The following CCSER1 variants were observed in gnomAD, a reference collection of about 807,000 sequenced individuals.
The protein encoded by CCSER1 is serine-rich coiled-coil domain-containing protein 1.
CCSER1 carries 41 observed loss-of-function variants against 82.0 expected under a neutral mutation model. The ratio of observed to expected loss-of-function variants is 0.50; its 90% CI spans 0.39 to 0.65. CCSER1 has a LOEUF of 0.65. Among genes scored for constraint, CCSER1 ranks in the 30% least tolerant of loss-of-function variants. The probability of loss-of-function intolerance (pLI) is 0.00; values close to 1 mark genes in which losing one functional copy is unlikely to be tolerated. For synonymous variants in CCSER1, 414 were observed against 383.9 expected, an observed-to-expected ratio of 1.08 and a Z score of -0.92; for missense variants, 1,119 against 1,064.2, an observed-to-expected ratio of 1.05 and a Z score of -0.72.
intron 9 of CCSER1, among the ~76,000 whole-genome samples, chr4:90,943,140 G>A (rs1731792828): frequency 6.6e-6 from 1 of 151,798 alleles, no homozygotes; most frequent in Admixed American, 6.6e-5. Context: ...TAATGAGGCT[G>A]GCAAGATTTC....
At chr4:91,354,483 A>G (rs1748690963) in intron 10 of CCSER1, among the ~76,000 whole-genome samples, 1 of 152,224 alleles carries the variant, frequency 6.6e-6, no homozygotes, top group Admixed American at 6.5e-5. Context: ...GTGGGCCCAA[A>G]TAGTCTGCAA....
chr4:91,379,198 T>C (rs546204087), intron 10 of CCSER1, among the ~76,000 whole-genome samples: 2 of 152,302 alleles, frequency 1.3e-5, no homozygotes, highest in South Asian at 4.1e-4. Flanking sequence ...TCAGGGATAT[T>C]GGTCTAAAAT....
At chr4:91,068,115 T>C (rs1721031920) in intron 9 of CCSER1, among the ~76,000 whole-genome samples, 1 of 152,186 alleles carries the variant, frequency 6.6e-6, no homozygotes, top group Non-Finnish European at 1.5e-5. Context: ...TGAAAGATGT[T>C]ATTACCAGAT....
chr4:90,386,753 G>A (rs1450608484), intron 3 of CCSER1, among the ~76,000 whole-genome samples: 2 of 152,112 alleles, frequency 1.3e-5, no homozygotes, highest in Non-Finnish European at 2.9e-5. Flanking sequence ...TAGATGAATT[G>A]CACCTGCTGT....
intron 10 of CCSER1, among the ~76,000 whole-genome samples, chr4:91,297,365 TTGTGTGTGTGTGTGTGTGTATGTGTG>T (rs751793110): frequency 2.9e-4 from 38 of 128,914 alleles, no homozygotes; most frequent in South Asian, 5.0e-4. Flanking sequence ...GAATGGATGC[TTGTGTGTGTGTGTGTGTGTATGTGTG>T]TGTGTGTGTG....
intron 10 of CCSER1, among the ~76,000 whole-genome samples, chr4:91,429,409 T>A (rs1754167464): frequency 6.6e-6 from 1 of 152,010 alleles, no homozygotes; most frequent in African/African-American, 2.4e-5. Flanking sequence ...TTATTTGTTT[T>A]TAAAAGTACA....
intron 7 of CCSER1, among the ~76,000 whole-genome samples, chr4:90,780,144 C>T (rs1753550830): frequency 6.6e-6 from 1 of 152,092 alleles, no homozygotes; most frequent in Non-Finnish European, 1.5e-5. Flanking sequence ...CAGGACTTGA[C>T]CCTCCCTGAG....
intron 1 of CCSER1, among the ~76,000 whole-genome samples, chr4:90,208,754 G>A (rs1479918038): frequency 6.6e-6 from 1 of 152,142 alleles, no homozygotes; most frequent in African/African-American, 2.4e-5. Flanking sequence ...TTGGCTAGGG[G>A]AGGGAGTTCC....
chr4:91,598,868 G>T lies in CCSER1; in HGVS notation c.2514G>T (p.Gly838=). Residue 838 remains glycine (G), a synonymous_variant, in exon 11 of 11, where the codon GGG becomes GGT. Coordinates refer to ENST00000509176, the MANE Select transcript of CCSER1 (RefSeq NM_001145065.2). ...SSLKPTAKTE[G]LSTFLEKPKD... is the part of the protein sequence containing the mutation. Reference sequence around the variant, plus strand: ...TGAAGCCAACAGCTAAGACAGAAGGGCTCTCCACGTTCTTAGAGAAACCAA... The same window carrying T: ...TGAAGCCAACAGCTAAGACAGAAGGTCTCTCCACGTTCTTAGAGAAACCAA... 1 of 1,551,596 alleles carries T rather than the reference G, an allele frequency of 6.4e-7. No individual in the cohort carries two copies. Among genetic ancestry groups the T allele is most frequent in the Non-Finnish European group, 8.7e-7 (1 of 1,146,920 alleles).
intron 8 of CCSER1, among the ~76,000 whole-genome samples, chr4:90,875,812 C>T (rs1767132766): frequency 6.6e-6 from 1 of 152,172 alleles, no homozygotes. Flanking sequence ...GAAGCCTAGT[C>T]ATTTGCAGAT....
chr4:90,240,599 T>C (rs1746649385), intron 1 of CCSER1, among the ~76,000 whole-genome samples: 1 of 152,190 alleles, frequency 6.6e-6, no homozygotes, highest in Non-Finnish European at 1.5e-5. Flanking sequence ...AAAAGAATTC[T>C]ATCTATGATC....
chr4:90,949,404 A>G (rs1464875231), intron 9 of CCSER1, among the ~76,000 whole-genome samples: 1 of 152,112 alleles, frequency 6.6e-6, no homozygotes, highest in African/African-American at 2.4e-5. Flanking sequence ...GACTGGTAAA[A>G]CATATTAAAC....
At chr4:90,928,261 T>C (rs994493979) in intron 9 of CCSER1, among the ~76,000 whole-genome samples, 5 of 148,344 alleles carry the variant, frequency 3.4e-5, no homozygotes, top group Non-Finnish European at 7.4e-5. Context: ...ATAAGAACAT[T>C]GTTTAAAAAC....
chr4:90,750,911 G>A (rs1748525337), intron 7 of CCSER1, among the ~76,000 whole-genome samples: 1 of 151,962 alleles, frequency 6.6e-6, no homozygotes, highest in South Asian at 2.1e-4. Flanking sequence ...AAATAAATTG[G>A]AATTATCTTT....
At chr4:90,260,841 G>A (rs35253489) in intron 1 of CCSER1, among the ~76,000 whole-genome samples, 28,587 of 152,092 alleles carry the variant, frequency 0.19, 3,071 homozygotes, top group South Asian at 0.27. Flanking sequence ...TCAGCCTCCC[G>A]AGTAGCTAGG....
chr4:90,458,255 C>T lies in CCSER1; in HGVS notation c.1604-9979C>T, dbSNP rs536671171. ...CTCCTTCCACCTGCTCCATGGAGTG[C>T]ACCGCCCCAGCTACACCTCCCACAC... On this transcript the variant is annotated intron_variant, in intron 4 of 10. Coordinates refer to ENST00000509176, the MANE Select transcript of CCSER1 (RefSeq NM_001145065.2). Among the ~76,000 whole-genome samples the T allele has an allele frequency of 7.2e-5, 11 of 152,286 alleles. No individual in the cohort carries two copies. In the South Asian group the frequency reaches 2.1e-3, roughly 29 times the overall value.
intron 5 of CCSER1, among the ~76,000 whole-genome samples, chr4:90,612,685 C>A (rs747015391): frequency 9.2e-5 from 14 of 152,116 alleles, no homozygotes; most frequent in African/African-American, 3.1e-4. Context: ...GAATATATGG[C>A]TCCCTATATA....
chr4:91,148,924 G>T (rs1399927797), intron 10 of CCSER1, among the ~76,000 whole-genome samples: 2 of 152,100 alleles, frequency 1.3e-5, no homozygotes, highest in African/African-American at 2.4e-5. Flanking sequence ...TTGCTATTGT[G>T]AATAGTGCCA....
At chr4:91,055,391 T>C (rs1167115369) in intron 9 of CCSER1, among the ~76,000 whole-genome samples, 1 of 152,196 alleles carries the variant, frequency 6.6e-6, no homozygotes, top group African/African-American at 2.4e-5. Flanking sequence ...TCTTAAATTA[T>C]GTAGGATAAT....
Sources: allele counts gnomAD v4.1 joint callset (sites outside exome capture counted in the v4.1 genomes callset), GRCh38; gene constraint gnomAD v4.1.1; transcripts MANE v1.5; gene names NCBI Gene and HGNC (gene_info 2026-07-23, HGNC 2026-07-21).